The following TLL1 variants were observed in gnomAD, a reference collection of about 807,000 sequenced individuals.
The protein encoded by TLL1 is tolloid-like protein 1.
TLL1 carries 49 observed loss-of-function variants against 128.2 expected under a neutral mutation model. That is an observed-to-expected ratio of 0.38 (90% confidence interval 0.30 to 0.48). The LOEUF (loss-of-function observed/expected upper bound fraction) is 0.48, where lower values mean the gene tolerates loss of function less well. Ranked by LOEUF, TLL1 falls within the 20% of genes least tolerant of loss-of-function variation. The probability of loss-of-function intolerance (pLI) is 0.96; values close to 1 mark genes in which losing one functional copy is unlikely to be tolerated. For synonymous variants in TLL1, 454 were observed against 418.8 expected, an observed-to-expected ratio of 1.08 and a Z score of -1.03; for missense variants, 1,123 against 1,242.0, an observed-to-expected ratio of 0.90 and a Z score of 1.44.
At chr4:165,936,794 A>G (rs537882165) in intron 1 of TLL1, among the ~76,000 whole-genome samples, 6 of 152,106 alleles carry the variant, frequency 3.9e-5, no homozygotes, top group Admixed American at 6.6e-5. Flanking sequence ...TTGGCTGGGC[A>G]TGGTGGCAGG....
chr4:166,031,251 A>G (rs1004439631), intron 9 of TLL1, among the ~76,000 whole-genome samples: 1 of 152,160 alleles, frequency 6.6e-6, no homozygotes, highest in African/African-American at 2.4e-5. Flanking sequence ...AATCCAAAAA[A>G]ATAGAACTAT....
chr4:165,945,812 C>G (rs1734218100), intron 1 of TLL1, among the ~76,000 whole-genome samples: 1 of 152,108 alleles, frequency 6.6e-6, no homozygotes, highest in African/African-American at 2.4e-5. Context: ...TACCTGTCCA[C>G]AGGCTGTTCA....
rs988377009 is a variant in TLL1 at position 166,015,335 on chromosome 4, A to C, written c.1042+775A>C. 2.0e-4 allele frequency among the ~76,000 whole-genome samples: 30 copies of C among 152,134 alleles called. 1 individual carries two copies. Among genetic ancestry groups the C allele is most frequent in the Non-Finnish European group, 7.4e-5 (5 of 67,958 alleles). On this transcript the variant is annotated intron_variant, in intron 8 of 20. Coordinates refer to ENST00000061240, the MANE Select transcript of TLL1 (RefSeq NM_012464.5). ...CTTACTTGTAGAATTCACTTTTGGAAGTATTGTTCTAGATACTTAAGGTTG... is the reference window on the plus strand; with the variant it reads ...CTTACTTGTAGAATTCACTTTTGGACGTATTGTTCTAGATACTTAAGGTTG...
At chr4:165,892,152 C>T (rs1731450258) in intron 1 of TLL1, among the ~76,000 whole-genome samples, 1 of 152,218 alleles carries the variant, frequency 6.6e-6, no homozygotes, top group African/African-American at 2.4e-5. Flanking sequence ...AACTCATTAT[C>T]ATGAAAACAG....
At chr4:166,074,853 A>C in intron 16 of TLL1, 25 bp from the exon 17 acceptor site, 7 of 1,612,260 alleles carry the variant, frequency 4.3e-6, no homozygotes, top group Non-Finnish European at 5.9e-6. Context: ...TACTTACTAG[A>C]CTATGGGATT....
chr4:165,920,694 A>G (rs1413839016), intron 1 of TLL1, among the ~76,000 whole-genome samples: 1 of 152,212 alleles, frequency 6.6e-6, no homozygotes, highest in Non-Finnish European at 1.5e-5. Flanking sequence ...TTCTTATCAA[A>G]TCCTGAGGAT....
At chr4:166,012,807 A>G (rs1478028706) in intron 7 of TLL1, among the ~76,000 whole-genome samples, 1 of 151,702 alleles carries the variant, frequency 6.6e-6, no homozygotes, top group African/African-American at 2.4e-5. Context: ...CAATGTACAT[A>G]TGGAGTTCTG....
intron 1 of TLL1, among the ~76,000 whole-genome samples, chr4:165,979,269 T>C (rs1159935374): frequency 1.3e-5 from 2 of 152,160 alleles, no homozygotes; most frequent in Non-Finnish European, 2.9e-5. Context: ...TTTGATGCTA[T>C]GTAAATTTAT....
chr4:165,905,202 C>T (rs1283446295), intron 1 of TLL1, among the ~76,000 whole-genome samples: 1 of 152,124 alleles, frequency 6.6e-6, no homozygotes, highest in Non-Finnish European at 1.5e-5. Flanking sequence ...CTATCCCATT[C>T]GTATACATTT....
At chr4:165,989,538 A>G (rs1298826472) in intron 2 of TLL1, 47 bp downstream of exon 2, 46 of 1,371,140 alleles carry the variant, frequency 3.4e-5, no homozygotes, top group Admixed American at 2.0e-4. Context: ...TGGAGAAAAT[A>G]TACTCTTGAA....
In TLL1 at chr4:165,873,821, G is replaced by C. The variant is rs766923461; in HGVS notation, c.-84G>C. The C allele has an allele frequency of 1.7e-4, 259 of 1,520,384 alleles. No individual in the cohort carries two copies. Among genetic ancestry groups the C allele is most frequent in the South Asian group, 1.1e-3 (93 of 88,192 alleles). The allele number at this position is 1,520,384 out of a possible 1,614,324, so 94.2% of individuals were successfully genotyped here. A position where few individuals can be genotyped will look rare whatever the true frequency, so the allele number is the denominator to read the frequency against. ...CCTCCGGGTGGGGAGAAGAGCACCG[G>C]TGCCCCTAGCCCCGCACATCAGCGC... On this transcript the variant is annotated 5_prime_UTR_variant, in exon 1 of 21. Coordinates refer to ENST00000061240, the MANE Select transcript of TLL1 (RefSeq NM_012464.5).
At position 166,102,542 on chromosome 4, in the gene TLL1, A is replaced by G. The variant is rs1317739845; in HGVS notation, c.*1666A>G. The stretch of plus-strand genomic sequence containing the variant: ...AATTTTGATCAATCCCATTAAAAAA[A>G]GGCTCTTTCCTTTAGAGAAACTCTA... On this transcript the variant is annotated 3_prime_UTR_variant, in exon 21 of 21. Transcript: ENST00000061240. 2 of 152,306 alleles carry G rather than the reference A, an allele frequency of 1.3e-5. No homozygotes were observed. The highest frequency in any genetic ancestry group is 2.9e-5 in the Non-Finnish European group (2 of 67,886). 9.4% of individuals were successfully genotyped at this position (152,306 alleles called of 1,614,324 possible).
intron 7 of TLL1, among the ~76,000 whole-genome samples, chr4:166,013,375 C>T (rs1737791366): frequency 6.6e-6 from 1 of 151,738 alleles, no homozygotes; most frequent in Non-Finnish European, 1.5e-5. Flanking sequence ...GAACTATTTC[C>T]TAATGGAGGC....
At chr4:165,917,607 T>G (rs1420551226) in intron 1 of TLL1, among the ~76,000 whole-genome samples, 1 of 152,188 alleles carries the variant, frequency 6.6e-6, no homozygotes, top group Admixed American at 6.5e-5. Context: ...ATTGTTGATA[T>G]TCATCTCTAC....
At position 166,055,107 on chromosome 4, in the gene TLL1, A is replaced by C; in HGVS notation, c.1556A>C (p.Tyr519Ser). 1 of 1,612,494 alleles carries C rather than the reference A, an allele frequency of 6.2e-7. No individual in the cohort carries two copies. The highest frequency in any genetic ancestry group is 8.5e-7 in the Non-Finnish European group (1 of 1,179,486). The change falls in exon 13 of 21, where the codon TAC becomes TCC. Residue 519 changes from tyrosine (Y) to serine (S), a missense_variant. Physicochemically the swap from Tyr to Ser is moderately radical, Grantham distance 144. Coordinates refer to ENST00000061240, the MANE Select transcript of TLL1 (RefSeq NM_012464.5). Reference sequence around the variant, plus strand: ...AGACATGACAATTGTGCTTATGACTACCTGGAAGTTAGAGATGGAACCAGT... The same window carrying C: ...AGACATGACAATTGTGCTTATGACTCCCTGGAAGTTAGAGATGGAACCAGT... Reference protein sequence around the residue: ...IERHDNCAYDYLEVRDGTSEN... With the variant: ...IERHDNCAYDSLEVRDGTSEN...
chr4:166,020,229 T>G (rs59830257), intron 8 of TLL1, among the ~76,000 whole-genome samples: 23,392 of 152,180 alleles, frequency 0.15, 1,923 homozygotes, highest in African/African-American at 0.22. Flanking sequence ...AGGCAAATCC[T>G]TTGTCTTTAT....
chr4:165,887,306 A>T (rs1051831031), intron 1 of TLL1, among the ~76,000 whole-genome samples: 2 of 152,174 alleles, frequency 1.3e-5, no homozygotes, highest in Non-Finnish European at 2.9e-5. Flanking sequence ...GTAGAAGTAG[A>T]GGCAAGCACT....
At chr4:165,899,288 T>C (rs967045695) in intron 1 of TLL1, among the ~76,000 whole-genome samples, 4 of 152,168 alleles carry the variant, frequency 2.6e-5, no homozygotes, top group African/African-American at 9.7e-5. Context: ...TGCTCTTACT[T>C]CTTTAGTTCT....
intron 1 of TLL1, among the ~76,000 whole-genome samples, chr4:165,969,715 A>G (rs1041231419): frequency 1.3e-5 from 2 of 152,148 alleles, no homozygotes; most frequent in South Asian, 2.1e-4. Context: ...AGGGATCTGT[A>G]GCATTCTTGA....
Sources: allele counts gnomAD v4.1 joint callset (sites outside exome capture counted in the v4.1 genomes callset), GRCh38; gene constraint gnomAD v4.1.1; transcripts MANE v1.5; gene names NCBI Gene and HGNC (gene_info 2026-07-23, HGNC 2026-07-21).